Variants in IL1RAP observed in about 807,000 individuals in gnomAD.
IL1RAP encodes the protein interleukin 1 receptor accessory protein.
IL1RAP carries 35 observed loss-of-function variants against 60.7 expected under a neutral mutation model. The observed-to-expected ratio is 0.58, with a 90% CI of 0.44 to 0.76. The LOEUF (loss-of-function observed/expected upper bound fraction) is 0.76. IL1RAP is among the 30% of genes least tolerant of loss of function. The probability of loss-of-function intolerance (pLI) is 0.00; values close to 1 mark genes in which losing one functional copy is unlikely to be tolerated. For synonymous variants in IL1RAP, 268 were observed against 250.9 expected, an observed-to-expected ratio of 1.07 and a Z score of -0.64; for missense variants, 572 against 693.9, an observed-to-expected ratio of 0.82 and a Z score of 1.97.
At chr3:190,645,994 A>G (rs937104885) in intron 11 of IL1RAP, 152 bp downstream of exon 11, 3 of 657,434 alleles carry the variant, frequency 4.6e-6, no homozygotes, top group African/African-American at 3.7e-5. Flanking sequence ...AAATAAAACT[A>G]CGTTGGAAAT....
intron 3 of IL1RAP, among the ~76,000 whole-genome samples, chr3:190,577,839 C>T (rs1482790887): frequency 6.6e-6 from 1 of 152,042 alleles, no homozygotes; most frequent in African/African-American, 2.4e-5. Context: ...GCCACCATGT[C>T]CAGCCTACAC....
At chr3:190,613,099 G>A (rs1417470445) in intron 5 of IL1RAP, among the ~76,000 whole-genome samples, 2 of 152,136 alleles carry the variant, frequency 1.3e-5, no homozygotes, top group African/African-American at 2.4e-5. Context: ...TTTCATAAGA[G>A]TGACAAGGAG....
At position 190,620,294 on chromosome 3, in the gene IL1RAP, A is replaced by G; in HGVS notation, c.557A>G (p.Asn186Ser). ...TTCTAGGGCTGTTATAAAATACAGA[A>G]TTTTAATAATGTAATACCCGAAGGT... ...TWYMGCYKIQ[N>S]FNNVIPEGMN... Residue 186 changes from asparagine (N) to serine (S), a missense_variant, in exon 6 of 12, where the codon AAT (asparagine) becomes AGT (serine). Asn to Ser is a conservative substitution (Grantham distance 46, BLOSUM62 1). Transcript: ENST00000447382. The G allele has an allele frequency of 1.3e-6, 2 of 1,575,190 alleles. No homozygotes were observed. Among genetic ancestry groups the G allele is most frequent in the Non-Finnish European group, 1.7e-6 (2 of 1,157,650 alleles).
chr3:190,593,129 CT>C, intron 3 of IL1RAP, among the ~76,000 whole-genome samples: 1 of 152,014 alleles, frequency 6.6e-6, no homozygotes, highest in South Asian at 2.1e-4. Context: ...GTTATCATCC[CT>C]TGTATCTGTC....
exon 12 of IL1RAP, chr3:190,658,822 T>C (rs1424950242): frequency 1.3e-5 from 2 of 152,182 alleles, no homozygotes; most frequent in Non-Finnish European, 2.9e-5. Context: ...ACTCCAAAGA[T>C]GGGGGAACAA....
intron 9 of IL1RAP, among the ~76,000 whole-genome samples, chr3:190,641,695 C>T (rs1020367176): frequency 3.3e-5 from 5 of 152,156 alleles, no homozygotes; most frequent in Admixed American, 6.5e-5. Flanking sequence ...AACAAAAATC[C>T]ATTTCAGGTA....
intron 2 of IL1RAP, among the ~76,000 whole-genome samples, chr3:190,557,382 A>G (rs1725514537): frequency 6.6e-6 from 1 of 152,212 alleles, no homozygotes; most frequent in Non-Finnish European, 1.5e-5. Context: ...ATCTGCTCAC[A>G]TTCTATTCCA....
chr3:190,535,192 G>A lies in IL1RAP; in HGVS notation c.-88-20938G>A, dbSNP rs141375205. 7.8e-4 allele frequency among the ~76,000 whole-genome samples: 118 copies of A among 152,196 alleles called. No individual in the cohort carries two copies. The East Asian group carries it at 0.021, about 27-fold the overall frequency. On this transcript the variant is annotated intron_variant, in intron 1 of 11. Coordinates refer to ENST00000447382, the MANE Select transcript of IL1RAP (RefSeq NM_002182.4). ...TACTCATTTGACATATCAACCCTGCGGCCTTTGTTCTGGAGGTACACTGAA... is the reference window on the plus strand; with the variant it reads ...TACTCATTTGACATATCAACCCTGCAGCCTTTGTTCTGGAGGTACACTGAA...
At chr3:190,588,270 C>T (rs1012046347) in intron 3 of IL1RAP, among the ~76,000 whole-genome samples, 13 of 152,150 alleles carry the variant, frequency 8.5e-5, no homozygotes, top group East Asian at 3.9e-4. Context: ...TGCGCCACCA[C>T]GCCCAGCTAA....
At chr3:190,548,292 A>T (rs1724561232) in intron 1 of IL1RAP, among the ~76,000 whole-genome samples, 1 of 152,202 alleles carries the variant, frequency 6.6e-6, no homozygotes, top group South Asian at 2.1e-4. Flanking sequence ...AAATAAAAGT[A>T]TCAATGTCTC....
chr3:190,618,536 T>C (rs1321381855), intron 5 of IL1RAP, among the ~76,000 whole-genome samples: 1 of 152,222 alleles, frequency 6.6e-6, no homozygotes, highest in African/African-American at 2.4e-5. Flanking sequence ...AATTACAGCG[T>C]ATTTAGTCTG....
At chr3:190,573,500 G>A (rs1285197931) in intron 3 of IL1RAP, among the ~76,000 whole-genome samples, 1 of 152,122 alleles carries the variant, frequency 6.6e-6, no homozygotes, top group East Asian at 1.9e-4. Flanking sequence ...CGGAAGTGTT[G>A]GAGGACTTTC....
At chr3:190,590,225 A>G (rs1387693379) in intron 3 of IL1RAP, among the ~76,000 whole-genome samples, 1 of 150,092 alleles carries the variant, frequency 6.7e-6, no homozygotes, top group Non-Finnish European at 1.5e-5. Flanking sequence ...ACTGTTACCT[A>G]TGTGGCAACT....
chr3:190,555,623 AG>A (rs1253770789), intron 1 of IL1RAP, among the ~76,000 whole-genome samples: 2 of 152,214 alleles, frequency 1.3e-5, no homozygotes, highest in Admixed American at 1.3e-4. Flanking sequence ...TTTACACAGC[AG>A]TTGTTTTGTA....
At chr3:190,603,971 G>A (rs1049435986) in intron 3 of IL1RAP, among the ~76,000 whole-genome samples, 157 bp from the exon 4 acceptor site, 1 of 152,142 alleles carries the variant, frequency 6.6e-6, no homozygotes, top group Non-Finnish European at 1.5e-5. Context: ...CACACCAAAG[G>A]TGCCTACTGT....
chr3:190,528,727 A>C (rs1162963627), intron 1 of IL1RAP, among the ~76,000 whole-genome samples: 1 of 152,254 alleles, frequency 6.6e-6, no homozygotes, highest in Non-Finnish European at 1.5e-5. Flanking sequence ...TTGAAAAGAT[A>C]TATAAGGTAA....
chr3:190,608,677 C>T (rs1398450724), intron 4 of IL1RAP, among the ~76,000 whole-genome samples: 2 of 152,188 alleles, frequency 1.3e-5, no homozygotes, highest in African/African-American at 2.4e-5. Flanking sequence ...ACCACCATCA[C>T]ATATGTAATC....
chr3:190,655,720 C>T (rs920415494), downstream of IL1RAP, among the ~76,000 whole-genome samples: 2 of 152,044 alleles, frequency 1.3e-5, no homozygotes, highest in Admixed American at 1.3e-4. Context: ...TCTTAGCAAC[C>T]ATTGACAAGA....
At chr3:190,615,208 GA>G in intron 5 of IL1RAP, 1 of 600,178 alleles carries the variant, frequency 1.7e-6, no homozygotes, top group Non-Finnish European at 2.6e-6. Context: ...AACTAGTCTG[GA>G]AAGCAAACCA....
Sources: gnomAD v4.1 joint callset for allele counts (sites outside exome capture counted in the v4.1 genomes callset) on GRCh38, gnomAD v4.1.1 for gene constraint, MANE v1.5 for transcripts, NCBI Gene and HGNC (gene_info 2026-07-23, HGNC 2026-07-21) for gene names.